The following ATRX variants were observed in gnomAD, a reference collection of about 807,000 sequenced individuals.
ATRX encodes the protein ATRX chromatin remodeler, also known as chromatin remodeler ATRX.
ATRX carries 12 observed loss-of-function variants against 172.6 expected under a neutral mutation model. The ratio of observed to expected loss-of-function variants is 0.07; its 90% CI spans 0.04 to 0.11. The LOEUF (loss-of-function observed/expected upper bound fraction) is 0.11, where lower values mean the gene tolerates loss of function less well. Among genes scored for constraint, ATRX ranks in the 10% least tolerant of loss-of-function variants. The pLI is 1.00. For missense variants in ATRX, 1,368 were observed against 1,767.4 expected, an observed-to-expected ratio of 0.77 and a Z score of 4.05; for synonymous variants, 674 against 594.7, an observed-to-expected ratio of 1.13 and a Z score of -1.94.
chrX:77,718,582 G>GC (rs1345808084), intron 1 of ATRX, among the ~76,000 whole-genome samples: 2 of 109,616 alleles, frequency 1.8e-5, no homozygotes, highest in African/African-American at 6.6e-5. Context: ...CACCGTGTTA[G>GC]CCAGGATGGT....
rs371733040 is a variant in ATRX, at chrX:77,634,319, G to A, written c.4809+275C>T. 11 of 176,930 alleles carry A rather than the reference G, an allele frequency of 6.2e-5. No homozygotes were observed. In the East Asian group the frequency reaches 6.7e-4, roughly 11 times the overall value. 14.6% of individuals were successfully genotyped at this position (176,930 alleles called of 1,213,427 possible). On this transcript the variant is annotated intron_variant, in intron 17 of 34. Coordinates refer to ENST00000373344, the MANE Select transcript of ATRX (RefSeq NM_000489.6). Reference sequence around the variant, plus strand: ...GCCATACCTGAAACCCCACAGCCTCGCTTCATTAGGACCTCTGCTCAAACA... The same window carrying A: ...GCCATACCTGAAACCCCACAGCCTCACTTCATTAGGACCTCTGCTCAAACA...
chrX:77,638,289 C>A (rs2068492033), intron 15 of ATRX, among the ~76,000 whole-genome samples: 1 of 111,747 alleles, frequency 8.9e-6, no homozygotes, highest in African/African-American at 3.3e-5. Flanking sequence ...TGGTGAAATC[C>A]CATCTCTACT....
chrX:77,652,003 A>C (rs2069268465), intron 15 of ATRX, 111 bp downstream of exon 15: 6 of 796,502 alleles, frequency 7.5e-6, no homozygotes, highest in Non-Finnish European at 1.1e-5. Context: ...CCAGAAGTTT[A>C]GGAGGCCAAG....
At chrX:77,549,434 ATAAT>A (rs1557054805) in intron 30 of ATRX, among the ~76,000 whole-genome samples, 1 of 112,042 alleles carries the variant, frequency 8.9e-6, no homozygotes, top group Non-Finnish European at 1.9e-5. Context: ...TGATATCTGT[ATAAT>A]TAATAAGTTT....
At chrX:77,666,841 C>T (rs1411566687) in intron 10 of ATRX, among the ~76,000 whole-genome samples, 1 of 110,541 alleles carries the variant, frequency 9.0e-6, no homozygotes, top group African/African-American at 3.3e-5. Context: ...ACCTGAGCAA[C>T]AAAACTCTGT....
intron 1 of ATRX, among the ~76,000 whole-genome samples, chrX:77,784,254 A>G (rs1443631278): frequency 8.9e-6 from 1 of 111,999 alleles, no homozygotes; most frequent in Non-Finnish European, 1.9e-5. Context: ...CTTACCTCAC[A>G]GGTTTGAGAA....
intron 1 of ATRX, among the ~76,000 whole-genome samples, chrX:77,764,376 G>A (rs2075833694): frequency 9.0e-6 from 1 of 111,510 alleles, no homozygotes; most frequent in Admixed American, 9.6e-5. Flanking sequence ...CATGAACTTA[G>A]GATATTAAGA....
intron 22 of ATRX, among the ~76,000 whole-genome samples, chrX:77,603,369 C>CT (rs1259586472): frequency 2.0e-4 from 21 of 103,574 alleles, no homozygotes; most frequent in East Asian, 6.0e-4. Context: ...TAATATAATT[C>CT]TTTTTTTTTT....
chrX:77,617,078 T>C (rs1408015396), intron 21 of ATRX, among the ~76,000 whole-genome samples: 1 of 111,556 alleles, frequency 9.0e-6, no homozygotes, highest in Non-Finnish European at 1.9e-5. Context: ...TAGTAGGTAG[T>C]GTGAGCAAAA....
chrX:77,776,042 A>G (rs2076339913), intron 1 of ATRX, among the ~76,000 whole-genome samples: 1 of 111,925 alleles, frequency 8.9e-6, no homozygotes, highest in Non-Finnish European at 1.9e-5. Flanking sequence ...AAAAACAATA[A>G]TTCAATAAAA....
chrX:77,560,923 G>C (rs1404661800), intron 28 of ATRX, among the ~76,000 whole-genome samples: 3 of 111,616 alleles, frequency 2.7e-5, no homozygotes, highest in African/African-American at 9.8e-5. Flanking sequence ...GTATAACATA[G>C]AGAAGTAAAT....
At chrX:77,521,036 T>C in intron 33 of ATRX, 120 bp from the exon 34 acceptor site, 2 of 776,238 alleles carry the variant, frequency 2.6e-6, no homozygotes, top group Non-Finnish European at 3.7e-6. Context: ...TTTATTCTTT[T>C]CTGAAGAAAA....
At chrX:77,670,920 G>A (rs1188693112) in intron 10 of ATRX, among the ~76,000 whole-genome samples, 1 of 106,014 alleles carries the variant, frequency 9.4e-6, no homozygotes, top group Non-Finnish European at 1.9e-5. Context: ...GGCTGAGGCG[G>A]GTGGATCACT....
intron 12 of ATRX, among the ~76,000 whole-genome samples, chrX:77,658,022 A>G (rs1350066807): frequency 9.0e-6 from 1 of 110,734 alleles, no homozygotes; most frequent in African/African-American, 3.3e-5. Context: ...CAGCCTGGGC[A>G]ACATAGGGAG....
intron 9 of ATRX, among the ~76,000 whole-genome samples, chrX:77,680,440 G>A (rs1394383068): frequency 8.9e-6 from 1 of 112,010 alleles, no homozygotes; most frequent in Non-Finnish European, 1.9e-5. Flanking sequence ...GCTCATGCCT[G>A]TAATTCCAAC....
chrX:77,593,739 G>T lies in ATRX; in HGVS notation c.6067C>A (p.Leu2023Ile). 8.3e-7 allele frequency: 1 copy of T among 1,211,194 alleles called. No individual in the cohort carries two copies. The highest frequency in any genetic ancestry group is 1.1e-6 in the Non-Finnish European group (1 of 894,917). Reference sequence around the variant, plus strand: ...TCTGCCATTCGAAGAATTTCAAAGAGAAGTACCATTTTCCCAGAATGCTCT... The same window carrying T: ...TCTGCCATTCGAAGAATTTCAAAGATAAGTACCATTTTCCCAGAATGCTCT... ...VLEHSGKMVL[L>I]FEILRMAEEI... Residue 2023 changes from leucine (L) to isoleucine (I), a missense_variant, in exon 26 of 35, where the codon CTC becomes ATC. Around this residue, in one of 17 missense-constraint regions of ATRX, gnomAD observed 45 missense variants for 120.2 expected, o/e 0.37. Coordinates refer to ENST00000373344, the MANE Select transcript of ATRX (RefSeq NM_000489.6).
intron 1 of ATRX, among the ~76,000 whole-genome samples, chrX:77,762,197 G>A (rs1334515378): frequency 2.8e-5 from 3 of 107,734 alleles, no homozygotes; most frequent in Non-Finnish European, 5.7e-5. Flanking sequence ...GCAGCTACTC[G>A]GGAGGCTGAG....
chrX:77,658,456 G>A, intron 12 of ATRX, among the ~76,000 whole-genome samples: 1 of 112,065 alleles, frequency 8.9e-6, no homozygotes, highest in Non-Finnish European at 1.9e-5. Flanking sequence ...ATTATAACTC[G>A]ATGCAATGTG....
intron 31 of ATRX, 142 bp downstream of exon 31, chrX:77,523,110 A>T (rs2147756801): frequency 2.4e-6 from 2 of 826,634 alleles, no homozygotes; most frequent in East Asian, 6.3e-5. Context: ...ACCAACCCAT[A>T]AAGAGATTCT....
Sources: gnomAD v4.1 joint callset for allele counts (sites outside exome capture counted in the v4.1 genomes callset) on GRCh38, gnomAD v4.1.1 for gene constraint, gnomAD v4.1.1 regional missense constraint, MANE v1.5 for transcripts, NCBI Gene and HGNC (gene_info 2026-07-23, HGNC 2026-07-21) for gene names.